The following CWC27 variants were observed in gnomAD, a reference collection of about 807,000 sequenced individuals.
The protein encoded by CWC27 is CWC27 spliceosome associated cyclophilin.
In CWC27, 47 loss-of-function variants were observed where a neutral mutation model predicts 63.6. The observed-to-expected ratio is 0.74, with a 90% CI of 0.58 to 0.94. The LOEUF (loss-of-function observed/expected upper bound fraction) is 0.94, where lower values mean the gene tolerates loss of function less well. CWC27 is among the 40% of genes least tolerant of loss of function. CWC27 has a pLI of 0.00. For missense variants in CWC27, 495 were observed against 554.3 expected (o/e 0.89, Z 1.07); for synonymous variants, 175 against 179.8 (o/e 0.97, Z 0.22).
At chr5:64,947,961 TC>T (rs1388057694) in intron 11 of CWC27, among the ~76,000 whole-genome samples, 2 of 152,074 alleles carry the variant, frequency 1.3e-5, no homozygotes, top group African/African-American at 2.4e-5. Context: ...ATCTTTTAAT[TC>T]CCTGCATTTA....
rs185833411 is a variant in CWC27 at position 65,011,048 on chromosome 5, T to C, written c.1257-7111T>C. ...GCTGGCTAGTACAAAGGCCAATTGG[T>C]ACAAAGGCGAATAACAGAGCCACCA... On this transcript the variant is annotated intron_variant, in intron 13 of 13. Transcript: ENST00000381070. Among the ~76,000 whole-genome samples, 30 of 152,212 alleles carry C rather than the reference T, an allele frequency of 2.0e-4. No individual in the cohort carries two copies. In the East Asian group the frequency reaches 5.2e-3, roughly 26 times the overall value.
intron 5 of CWC27, among the ~76,000 whole-genome samples, chr5:64,786,311 A>G (rs1467423990): frequency 1.3e-5 from 2 of 152,170 alleles, no homozygotes; most frequent in Non-Finnish European, 2.9e-5. Flanking sequence ...TGGGGATAAA[A>G]TATCCCTTAC....
chr5:64,861,204 T>A (rs1307676033), intron 10 of CWC27, among the ~76,000 whole-genome samples: 1 of 152,158 alleles, frequency 6.6e-6, no homozygotes, highest in Non-Finnish European at 1.5e-5. Flanking sequence ...AGAAGACATA[T>A]TCCTAAAGTA....
At chr5:64,837,502 T>G (rs1165548755) in intron 10 of CWC27, among the ~76,000 whole-genome samples, 2 of 152,076 alleles carry the variant, frequency 1.3e-5, no homozygotes, top group South Asian at 4.2e-4. Context: ...TCAAAACTCA[T>G]TCTCTTTTTT....
At chr5:64,959,414 T>C (rs923279555) in intron 11 of CWC27, among the ~76,000 whole-genome samples, 1 of 152,174 alleles carries the variant, frequency 6.6e-6, no homozygotes, top group Non-Finnish European at 1.5e-5. Flanking sequence ...ATTTCCACGA[T>C]GGATTTTCTT....
chr5:64,810,046 C>G (rs1232044906), intron 10 of CWC27, among the ~76,000 whole-genome samples: 3 of 151,862 alleles, frequency 2.0e-5, no homozygotes, highest in African/African-American at 7.2e-5. Context: ...ATCCGTAAGT[C>G]TTTTATCCAT....
Position 64,820,108 on chromosome 5 carries a change from G to A in CWC27, c.938+15722G>A, listed in dbSNP as rs143238966. 1.9e-3 allele frequency among the ~76,000 whole-genome samples: 284 copies of A among 152,262 alleles called. 2 individuals are homozygous for A. The highest frequency in any genetic ancestry group is 6.5e-3 in the African/African-American group (272 of 41,566). On this transcript the variant is annotated intron_variant, in intron 10 of 13. Transcript: ENST00000381070. ...AAGAGTGTTTGAAAGTTGATGCTGT[G>A]TATTTATTTGAACTGTTCTTTTTTT...
At chr5:64,908,452 G>C (rs890548391) in intron 11 of CWC27, among the ~76,000 whole-genome samples, 10 of 152,154 alleles carry the variant, frequency 6.6e-5, no homozygotes, top group African/African-American at 2.4e-4. Flanking sequence ...TTAACCTTCT[G>C]TCTCGTTGAT....
intron 11 of CWC27, among the ~76,000 whole-genome samples, chr5:64,961,382 C>T (rs1286601442): frequency 6.6e-6 from 1 of 152,078 alleles, no homozygotes; most frequent in Non-Finnish European, 1.5e-5. Context: ...TGATGTTGGA[C>T]ATTTCCTTCC....
At position 64,971,727 on chromosome 5, in the gene CWC27, C is replaced by T. The variant is rs748889304; in HGVS notation, c.1067C>T (p.Ala356Val). The T allele has an allele frequency of 1.9e-6, 3 of 1,608,794 alleles. No individual in the cohort carries two copies. The Admixed American group carries it at 5.0e-5, about 27-fold the overall frequency. The change falls in exon 12 of 14, where the codon GCT becomes GTT. Residue 356 changes from alanine (A) to valine (V), a missense_variant. Ala to Val is a moderately conservative substitution (Grantham distance 64, BLOSUM62 0). This residue lies in a region of CWC27 where 463 missense variants were observed against 498.1 expected (regional missense o/e 0.93). Coordinates refer to ENST00000381070, the MANE Select transcript of CWC27 (RefSeq NM_005869.4). ...GAGGAAGAAGCCCCTCCAGATGGTGCTGTTGCCGAATACAGAAGAGAAAAG... is the reference window on the plus strand; with the variant it reads ...GAGGAAGAAGCCCCTCCAGATGGTGTTGTTGCCGAATACAGAAGAGAAAAG... Reference protein sequence around the residue: ...SEEEEAPPDGAVAEYRREKQK... With the variant: ...SEEEEAPPDGVVAEYRREKQK...
At chr5:64,856,912 G>A (rs981075621) in intron 10 of CWC27, among the ~76,000 whole-genome samples, 16 of 152,254 alleles carry the variant, frequency 1.1e-4, no homozygotes, top group African/African-American at 3.9e-4. Context: ...GATGTTGCTA[G>A]CTTATGTAAT....
chr5:64,795,372 T>G (rs538790298), intron 7 of CWC27, among the ~76,000 whole-genome samples: 1 of 152,320 alleles, frequency 6.6e-6, no homozygotes, highest in African/African-American at 2.4e-5. Context: ...TTTAACAAAT[T>G]GCCATAAACT....
At chr5:64,935,692 G>A (rs1748331509) in intron 11 of CWC27, among the ~76,000 whole-genome samples, 1 of 152,160 alleles carries the variant, frequency 6.6e-6, no homozygotes. Context: ...ATTACTTTGG[G>A]CAGTATGGCC....
intron 13 of CWC27, among the ~76,000 whole-genome samples, chr5:64,987,198 A>G (rs1749451340): frequency 6.6e-6 from 1 of 151,814 alleles, no homozygotes; most frequent in African/African-American, 2.4e-5. Context: ...TAGCATTTCC[A>G]TTTAATTTAT....
At chr5:64,851,583 A>G (rs2071235943) in intron 10 of CWC27, among the ~76,000 whole-genome samples, 1 of 152,222 alleles carries the variant, frequency 6.6e-6, no homozygotes, top group Non-Finnish European at 1.5e-5. Flanking sequence ...AAGTATTTGA[A>G]GTGATGGATG....
intron 7 of CWC27, among the ~76,000 whole-genome samples, chr5:64,791,012 C>T (rs1435270623): frequency 5.3e-5 from 8 of 151,986 alleles, no homozygotes; most frequent in African/African-American, 1.9e-4. Context: ...CCTTCAAGCC[C>T]AAGACGTCTC....
At position 64,785,575 on chromosome 5, in the gene CWC27, G is replaced by A. The variant is rs1743854273; in HGVS notation, c.491G>A (p.Cys164Tyr). The change falls in exon 5 of 14, where the codon TGT (cysteine) becomes TAT (tyrosine). Residue 164 changes from cysteine (C) to tyrosine (Y), a missense_variant. Around this residue, in one of 3 missense-constraint regions of CWC27, gnomAD observed 463 missense variants for 498.1 expected, o/e 0.93. Coordinates refer to ENST00000381070, the MANE Select transcript of CWC27 (RefSeq NM_005869.4). Reference protein sequence around the residue: ...RPHNPHKIKSCEVLFNPFDDI... With the variant: ...RPHNPHKIKSYEVLFNPFDDI... ...CATAATCCACACAAAATAAAAAGCTGTGAGGTAGGAGCATGATTATTACGA... is the reference window on the plus strand; with the variant it reads ...CATAATCCACACAAAATAAAAAGCTATGAGGTAGGAGCATGATTATTACGA... 1 of 1,582,618 alleles carries A rather than the reference G, an allele frequency of 6.3e-7. No homozygotes were observed. Among genetic ancestry groups the A allele is most frequent in the Non-Finnish European group, 8.6e-7 (1 of 1,162,236 alleles).
At position 64,782,024 on chromosome 5, in the gene CWC27, G is replaced by A. The variant is rs753031106; in HGVS notation, c.243G>A (p.Ala81=). The change falls in exon 3 of 14, where the codon GCG becomes GCA. Residue 81 remains alanine (A), a synonymous_variant. Transcript: ENST00000381070. ...GTGGTGGAGAGTCTATCTATGGAGC[G>A]CCATTCAAAGTAAGACTGAATTATT... ...TGSGGESIYG[A]PFKDEFHSRL... 63 of 1,490,624 alleles carry A rather than the reference G, an allele frequency of 4.2e-5. No individual in the cohort carries two copies. The highest frequency in any genetic ancestry group is 5.4e-5 in the Non-Finnish European group (59 of 1,086,282). 92.3% of individuals were successfully genotyped at this position (1,490,624 alleles called of 1,614,324 possible).
At chr5:64,965,992 AAG>A (rs1464586118) in intron 11 of CWC27, among the ~76,000 whole-genome samples, 2 of 152,190 alleles carry the variant, frequency 1.3e-5, no homozygotes, top group South Asian at 2.1e-4. Context: ...AAAATATAAA[AAG>A]AGTGTTTGGT....
Sources: allele counts gnomAD v4.1 joint callset (sites outside exome capture counted in the v4.1 genomes callset), GRCh38; gene constraint gnomAD v4.1.1; regional missense constraint gnomAD v4.1.1; transcripts MANE v1.5; gene names NCBI Gene and HGNC (gene_info 2026-07-23, HGNC 2026-07-21).